Variants in CWF19L2 observed in about 807,000 individuals in gnomAD.
CWF19L2 encodes the protein CWF19 like cell cycle control factor 2.
A neutral mutation model predicts 111.7 loss-of-function variants in CWF19L2; 98 were observed. That is an observed-to-expected ratio of 0.88 (90% CI 0.75 to 1.04). The LOEUF (loss-of-function observed/expected upper bound fraction) is 1.04, where lower values mean the gene tolerates loss of function less well. Ranked by LOEUF, CWF19L2 falls within the 50% of genes least tolerant of loss-of-function variation. CWF19L2 has a pLI of 0.00. For synonymous variants in CWF19L2, 351 were observed against 342.9 expected, an observed-to-expected ratio of 1.02 and a Z score of -0.26; for missense variants, 1,101 against 1,051.4, an observed-to-expected ratio of 1.05 and a Z score of -0.65.
chr11:107,379,032 A>C (rs2134581240), intron 12 of CWF19L2, among the ~76,000 whole-genome samples: 1 of 152,234 alleles, frequency 6.6e-6, no homozygotes, highest in Non-Finnish European at 1.5e-5. Context: ...ATGGTATAGG[A>C]AATACTGAAA....
intron 6 of CWF19L2, among the ~76,000 whole-genome samples, chr11:107,437,801 G>C (rs1861563890): frequency 6.6e-6 from 1 of 152,102 alleles, no homozygotes; most frequent in South Asian, 2.1e-4. Context: ...GTCAATTCTA[G>C]GTTTTCCTCA....
intron 3 of CWF19L2, among the ~76,000 whole-genome samples, chr11:107,443,602 A>G (rs1276425717): frequency 6.6e-6 from 1 of 152,146 alleles, no homozygotes; most frequent in East Asian, 1.9e-4. Context: ...GAAGGCAAAA[A>G]AACAAAAATG....
chr11:107,408,425 G>A (rs1387937542), intron 10 of CWF19L2, among the ~76,000 whole-genome samples: 2 of 151,684 alleles, frequency 1.3e-5, no homozygotes, highest in African/African-American at 4.8e-5. Context: ...CAAAGAGGAG[G>A]GTTAAGAAAT....
chr11:107,361,460 TC>T (rs1160233408), intron 12 of CWF19L2, among the ~76,000 whole-genome samples: 2 of 152,198 alleles, frequency 1.3e-5, no homozygotes, highest in East Asian at 3.8e-4. Context: ...CTATTAAGGC[TC>T]TTTTTTGGTT....
intron 8 of CWF19L2, among the ~76,000 whole-genome samples, chr11:107,427,518 C>A (rs1193689716): frequency 6.6e-6 from 1 of 151,978 alleles, no homozygotes; most frequent in African/African-American, 2.4e-5. Flanking sequence ...ATGCAGCAAT[C>A]AGACAACCGG....
chr11:107,402,873 G>GTGTGTATATATATATATA (rs1247886311), intron 10 of CWF19L2, among the ~76,000 whole-genome samples: 21 of 94,444 alleles, frequency 2.2e-4, no homozygotes, highest in East Asian at 1.2e-3. Context: ...ACTGTGGTGT[G>GTGTGTATATATATATATA]TATATATATA....
chr11:107,329,064 G>T (rs980196483), intron 17 of CWF19L2, among the ~76,000 whole-genome samples: 1 of 152,098 alleles, frequency 6.6e-6, no homozygotes, highest in African/African-American at 2.4e-5. Flanking sequence ...TGGAGAACAG[G>T]GAATCCCAAG....
At chr11:107,392,918 C>A in intron 10 of CWF19L2, 23 bp from the exon 11 acceptor site, 1 of 1,353,310 alleles carries the variant, frequency 7.4e-7, no homozygotes, top group Non-Finnish European at 1.0e-6. Flanking sequence ...TTAGAGATAA[C>A]TATTGAAATT....
At chr11:107,343,993 T>C (rs921611521) in intron 14 of CWF19L2, among the ~76,000 whole-genome samples, 3 of 152,166 alleles carry the variant, frequency 2.0e-5, no homozygotes, top group Admixed American at 6.5e-5. Context: ...GGTAGGCATA[T>C]CACCTGAGGC....
At position 107,457,767 on chromosome 11, in the gene CWF19L2, C is replaced by T. The variant is rs968778053; in HGVS notation, c.50G>A (p.Ser17Asn). ...GGTCTGTTCTTTCCGCTCTTCGATA[C>T]TCTTCGCACTTTCAAATCTACCACT... ...AASGRFESAK[S>N]IEERKEQTRN... Residue 17 changes from serine (S) to asparagine (N), a missense_variant, in exon 1 of 18, where the codon AGT becomes AAT. Transcript: ENST00000282251. 2 of 1,551,686 alleles carry T rather than the reference C, an allele frequency of 1.3e-6. No homozygotes were observed. The highest frequency in any genetic ancestry group is 2.7e-5 in the African/African-American group (2 of 73,058).
At chr11:107,425,219 G>C (rs1198622885) in intron 8 of CWF19L2, among the ~76,000 whole-genome samples, 2 of 125,724 alleles carry the variant, frequency 1.6e-5, no homozygotes, top group Non-Finnish European at 3.4e-5. Context: ...CACACACAAA[G>C]AGGTTGAAAA....
At chr11:107,390,013 C>G (rs903853663) in intron 12 of CWF19L2, 61 bp downstream of exon 12, 4 of 1,395,060 alleles carry the variant, frequency 2.9e-6, no homozygotes, top group Non-Finnish European at 4.0e-6. Context: ...AAAAGCAGAT[C>G]ACTGTTACAC....
intron 3 of CWF19L2, among the ~76,000 whole-genome samples, chr11:107,453,438 A>T (rs1861807027): frequency 6.6e-6 from 1 of 152,000 alleles, no homozygotes; most frequent in Non-Finnish European, 1.5e-5. Flanking sequence ...AGGAGAGAGA[A>T]GAGTAAATAC....
At chr11:107,359,061 C>G (rs1860282746) in intron 12 of CWF19L2, among the ~76,000 whole-genome samples, 1 of 108,742 alleles carries the variant, frequency 9.2e-6, no homozygotes, top group Admixed American at 9.0e-5. Context: ...AACAAAACAG[C>G]CATGCACAGA....
chr11:107,425,222 G>C (rs567360543), intron 8 of CWF19L2, among the ~76,000 whole-genome samples: 1 of 128,262 alleles, frequency 7.8e-6, no homozygotes, highest in Admixed American at 7.5e-5. Context: ...ACACAAAGAG[G>C]TTGAAAACCT....
chr11:107,437,396 C>A (rs1861557888), intron 6 of CWF19L2, among the ~76,000 whole-genome samples: 1 of 152,150 alleles, frequency 6.6e-6, no homozygotes, highest in African/African-American at 2.4e-5. Flanking sequence ...CACTATGTCA[C>A]CTCTACCTCC....
At position 107,354,749 on chromosome 11, in the gene CWF19L2, C is replaced by T. The variant is rs570497839; in HGVS notation, c.1873-1013G>A. Among the ~76,000 whole-genome samples the T allele has an allele frequency of 5.9e-5, 9 of 152,316 alleles. No homozygotes were observed. The South Asian group carries it at 1.9e-3, about 32-fold the overall frequency. On this transcript the variant is annotated intron_variant, in intron 12 of 17. Transcript: ENST00000282251. ...CATAAAGAATTACAGCACATTTACA[C>T]TTATTTATACCTGCTGCATTGGCAC...
intron 12 of CWF19L2, among the ~76,000 whole-genome samples, chr11:107,377,730 CA>C (rs1280930713): frequency 8.8e-5 from 10 of 113,308 alleles, no homozygotes; most frequent in East Asian, 5.2e-4. Flanking sequence ...TCTAAAACAC[CA>C]AAAGCAATGG....
At chr11:107,339,665 CTT>C (rs34093897) in intron 14 of CWF19L2, among the ~76,000 whole-genome samples, 26,388 of 129,030 alleles carry the variant, frequency 0.2, 2,031 homozygotes, top group African/African-American at 0.27. Context: ...TTGTTTATCC[CTT>C]TTTTTTTTTT....
Sources: gnomAD v4.1 joint callset for allele counts (sites outside exome capture counted in the v4.1 genomes callset) on GRCh38, gnomAD v4.1.1 for gene constraint, MANE v1.5 for transcripts, NCBI Gene and HGNC (gene_info 2026-07-23, HGNC 2026-07-21) for gene names.